ARHGAP5: variants seen among roughly 807,000 people sequenced by gnomAD.
The protein encoded by ARHGAP5 is Rho GTPase activating protein 5, also known as rho GTPase-activating protein 5.
ARHGAP5 carries 23 observed loss-of-function variants against 116.6 expected under a neutral mutation model. The ratio of observed to expected loss-of-function variants is 0.20; its 90% CI spans 0.14 to 0.28. The LOEUF (loss-of-function observed/expected upper bound fraction) is 0.28. Ranked by LOEUF, ARHGAP5 falls within the 10% of genes least tolerant of loss-of-function variation. ARHGAP5 has a pLI of 1.00. For missense variants in ARHGAP5, 1,405 were observed against 1,774.8 expected, an observed-to-expected ratio of 0.79 and a Z score of 3.74; for synonymous variants, 574 against 602.0, an observed-to-expected ratio of 0.95 and a Z score of 0.68.
intron 1 of ARHGAP5, among the ~76,000 whole-genome samples, chr14:32,082,687 A>G (rs1229320242): frequency 6.6e-6 from 1 of 152,044 alleles, no homozygotes; most frequent in African/African-American, 2.4e-5. Context: ...TTACAGGCAC[A>G]CGCCATCACG....
Position 32,156,178 on chromosome 14 carries a change from AT to A in ARHGAP5, c.*1234del, listed in dbSNP as rs1162203401. 2 of 152,430 alleles carry A rather than the reference AT, an allele frequency of 1.3e-5. No homozygotes were observed. The highest frequency in any genetic ancestry group is 2.4e-5 in the African/African-American group (1 of 41,428). The allele number at this position is 152,430 out of a possible 1,614,324, so 9.4% of individuals were successfully genotyped here. A position where few individuals can be genotyped will look rare whatever the true frequency, so the allele number is the denominator to read the frequency against. ...GTGACTGCTGCTTTTGGGGGTAAAC[AT>A]TTTGTTAGTGAAGATAAAACCAGAA... On this transcript the variant is annotated 3_prime_UTR_variant, in exon 7 of 7. Transcript: ENST00000345122.
Position 32,114,889 on chromosome 14 carries a change from C to T in ARHGAP5, c.3718-2251C>T, listed in dbSNP as rs148207056. On this transcript the variant is annotated intron_variant, in intron 2 of 6. Transcript: ENST00000345122. ...TGAAAGCCCTGCCTGTGCGCCTTCC[C>T]CTGCCCACACATATACATTTTTCTG... Among the ~76,000 whole-genome samples, 326 of 152,294 alleles carry T rather than the reference C, an allele frequency of 2.1e-3. 1 individual carries two copies. Among genetic ancestry groups the T allele is most frequent in the Non-Finnish European group, 3.8e-3 (256 of 68,022 alleles).
Position 32,148,302 on chromosome 14 carries a change from A to T in ARHGAP5, c.3944-1600A>T, listed in dbSNP as rs550926626. On this transcript the variant is annotated intron_variant, in intron 4 of 6. Transcript: ENST00000345122. ...CTTCCAGTAATGAATGCATGGTTAT[A>T]GTTAATACCAAGGCTCTTGAGTTTG... Among the ~76,000 whole-genome samples, 3 of 152,318 alleles carry T rather than the reference A, an allele frequency of 2.0e-5. No homozygotes were observed. In the South Asian group the frequency reaches 6.2e-4, roughly 32 times the overall value.
chr14:32,131,944 A>G (rs1397039274), intron 3 of ARHGAP5, among the ~76,000 whole-genome samples: 1 of 152,188 alleles, frequency 6.6e-6, no homozygotes, highest in Non-Finnish European at 1.5e-5. Context: ...ATAGTATTCC[A>G]TGGTGTATAT....
intron 3 of ARHGAP5, among the ~76,000 whole-genome samples, chr14:32,137,822 AT>A (rs1297374334): frequency 6.6e-6 from 1 of 151,816 alleles, no homozygotes; most frequent in Non-Finnish European, 1.5e-5. Flanking sequence ...AAATACAAAA[AT>A]TAGCCAGACG....
intron 2 of ARHGAP5, among the ~76,000 whole-genome samples, chr14:32,098,964 G>C (rs1878661486): frequency 6.6e-6 from 1 of 152,188 alleles, no homozygotes; most frequent in South Asian, 2.1e-4. Flanking sequence ...GGGCTAGAGA[G>C]GCTGTGGAAG....
intron 3 of ARHGAP5, among the ~76,000 whole-genome samples, chr14:32,117,708 C>G (rs144965163): frequency 6.6e-6 from 1 of 152,146 alleles, no homozygotes; most frequent in Admixed American, 6.5e-5. Flanking sequence ...GTTGTAAATG[C>G]GTAAAAGGCA....
chr14:32,105,088 G>A (rs1878949058), intron 2 of ARHGAP5, among the ~76,000 whole-genome samples: 1 of 152,128 alleles, frequency 6.6e-6, no homozygotes, highest in South Asian at 2.1e-4. Flanking sequence ...CAATAATCTT[G>A]AAGTTGAGAA....
intron 1 of ARHGAP5, among the ~76,000 whole-genome samples, chr14:32,085,772 A>T (rs562355031): frequency 6.6e-6 from 1 of 152,310 alleles, no homozygotes; most frequent in East Asian, 1.9e-4. Context: ...TTGTGATTTT[A>T]CTAAAGTCTT....
In ARHGAP5 at chr14:32,152,408, G is replaced by A. The variant is rs1355230364; in HGVS notation, c.4076-15G>A. On this transcript the variant is annotated splice_polypyrimidine_tract_variant and intron_variant, in intron 5 of 6. Coordinates refer to ENST00000345122, the MANE Select transcript of ARHGAP5 (RefSeq NM_001030055.2). ...GTAAGTTTTACACAGATTCTTCACT[G>A]TTTTAATTTTACAGAAATCCCGGAT... The A allele has an allele frequency of 6.5e-7, 1 of 1,536,104 alleles. No individual in the cohort carries two copies.
At chr14:32,112,655 G>C (rs1474816004) in intron 2 of ARHGAP5, among the ~76,000 whole-genome samples, 1 of 152,122 alleles carries the variant, frequency 6.6e-6, no homozygotes, top group African/African-American at 2.4e-5. Flanking sequence ...GGCAGATTAC[G>C]AGGTCAGGAG....
At chr14:32,117,014 G>A in intron 2 of ARHGAP5, 126 bp from the exon 3 acceptor site, 1 of 636,326 alleles carries the variant, frequency 1.6e-6, no homozygotes, top group Non-Finnish European at 2.4e-6. Context: ...AGTCATATTG[G>A]TGGACATTTA....
chr14:32,112,118 C>T lies in ARHGAP5; in HGVS notation c.3718-5022C>T, dbSNP rs150534773. 1.1e-4 allele frequency among the ~76,000 whole-genome samples: 16 copies of T among 152,082 alleles called. 1 individual carries two copies. The East Asian group carries it at 2.9e-3, about 28-fold the overall frequency. ...AGGCGTGAGCCACCACGCCTGGCCT[C>T]TTTGATTTTTTTAATTTCAAGAATC... is the stretch of plus-strand genomic sequence containing the variant. On this transcript the variant is annotated intron_variant, in intron 2 of 6. Transcript: ENST00000345122.
intron 1 of ARHGAP5, among the ~76,000 whole-genome samples, chr14:32,081,879 A>T (rs186155672): frequency 1.2e-4 from 19 of 152,298 alleles, no homozygotes; most frequent in Admixed American, 1.2e-3. Flanking sequence ...GTAAAAAATT[A>T]ACATTACTAT....
intron 3 of ARHGAP5, among the ~76,000 whole-genome samples, chr14:32,138,624 T>A (rs576528679): frequency 2.6e-5 from 4 of 152,324 alleles, no homozygotes; most frequent in African/African-American, 9.6e-5. Flanking sequence ...TAGGATTTTC[T>A]GCATGTAAGT....
chr14:32,088,111 G>A (rs2041848831), intron 1 of ARHGAP5, among the ~76,000 whole-genome samples: 1 of 151,976 alleles, frequency 6.6e-6, no homozygotes, highest in African/African-American at 2.4e-5. Flanking sequence ...GCAGAAGTGA[G>A]TCTTAATGAG....
intron 3 of ARHGAP5, among the ~76,000 whole-genome samples, chr14:32,137,104 T>C (rs567930593): frequency 6.6e-6 from 1 of 151,914 alleles, no homozygotes; most frequent in East Asian, 1.9e-4. Context: ...ATAAATTGGA[T>C]GTATATTGTT....
intron 2 of ARHGAP5, among the ~76,000 whole-genome samples, chr14:32,108,574 G>A (rs1375778693): frequency 6.6e-6 from 1 of 152,024 alleles, no homozygotes; most frequent in Non-Finnish European, 1.5e-5. Context: ...TCAATTAAAT[G>A]TGATTTCAGG....
chr14:32,125,066 G>A (rs763133610), intron 3 of ARHGAP5, among the ~76,000 whole-genome samples: 3 of 152,136 alleles, frequency 2.0e-5, no homozygotes, highest in African/African-American at 7.2e-5. Context: ...TCAGTGGCAG[G>A]TAGTATATTC....
Sources: allele counts gnomAD v4.1 joint callset (sites outside exome capture counted in the v4.1 genomes callset), GRCh38; gene constraint gnomAD v4.1.1; transcripts MANE v1.5; gene names NCBI Gene and HGNC (gene_info 2026-07-23, HGNC 2026-07-21).